Variants in FER observed in about 807,000 individuals in gnomAD.
FER encodes the protein FER tyrosine kinase, also known as tyrosine-protein kinase Fer.
A neutral mutation model predicts 111.0 loss-of-function variants in FER; 63 were observed. The ratio of observed to expected loss-of-function variants is 0.57; its 90% CI spans 0.46 to 0.70. FER has a LOEUF of 0.70. Ranked by LOEUF, FER falls within the 30% of genes least tolerant of loss-of-function variation. FER has a pLI of 0.00. For synonymous variants in FER, 327 were observed against 313.9 expected (o/e 1.04, Z -0.44); for missense variants, 914 against 954.0 (o/e 0.96, Z 0.55).
intron 3 of FER, among the ~76,000 whole-genome samples, chr5:108,826,634 C>T (rs1182631840): frequency 1.3e-5 from 2 of 152,168 alleles, no homozygotes; most frequent in Non-Finnish European, 2.9e-5. Flanking sequence ...GGAAGTGTTC[C>T]CTCCTTTTCA....
At chr5:109,005,668 G>A (rs116251093) in intron 13 of FER, among the ~76,000 whole-genome samples, 1,542 of 152,290 alleles carry the variant, frequency 0.01, 22 homozygotes, top group African/African-American at 0.035. Context: ...GGAACCTTTA[G>A]GTAACACTTG....
At chr5:108,823,448 T>A (rs1759112974) in intron 3 of FER, among the ~76,000 whole-genome samples, 1 of 152,236 alleles carries the variant, frequency 6.6e-6, no homozygotes, top group Non-Finnish European at 1.5e-5. Context: ...CACTTATCTT[T>A]TGTCTTTTTT....
chr5:108,932,558 A>G (rs990371603), intron 10 of FER, among the ~76,000 whole-genome samples: 1 of 152,166 alleles, frequency 6.6e-6, no homozygotes, highest in African/African-American at 2.4e-5. Context: ...TGCTGGGTCA[A>G]ATGGTATTTC....
chr5:108,813,474 A>G (rs542569844), intron 3 of FER, among the ~76,000 whole-genome samples: 18 of 152,182 alleles, frequency 1.2e-4, no homozygotes, highest in African/African-American at 2.4e-4. Context: ...ATTGTTTTTT[A>G]GTTCTCCCTC....
chr5:108,845,017 T>TATAC (rs1561502822), intron 5 of FER, among the ~76,000 whole-genome samples: 3 of 52,218 alleles, frequency 5.7e-5, no homozygotes, highest in Non-Finnish European at 7.5e-5. Flanking sequence ...TATATATATA[T>TATAC]ATATATATAT....
chr5:109,031,492 A>C (rs545359049), intron 13 of FER, among the ~76,000 whole-genome samples: 1 of 151,840 alleles, frequency 6.6e-6, no homozygotes, highest in Non-Finnish European at 1.5e-5. Flanking sequence ...TCACATTTTT[A>C]AAAAAAAATT....
rs373617030 is a variant in FER, at chr5:108,959,235, G to A, written c.1544G>A (p.Arg515Gln). Reference sequence around the variant, plus strand: ...TTGTTCTCTCTCCAGAACATGTATCGATTCGAGGGCACTGGGTTTTCAAAC... The same window carrying A: ...TTGTTCTCTCTCCAGAACATGTATCAATTCGAGGGCACTGGGTTTTCAAAC... ...FIIQYVDNMY[R>Q]FEGTGFSNIP... The change falls in exon 13 of 20, where the codon CGA becomes CAA. Residue 515 changes from arginine (R) to glutamine (Q), a missense_variant. Arg to Gln is a conservative substitution (Grantham distance 43). This residue lies in a region of FER where 774 missense variants were observed against 782.6 expected (regional missense o/e 0.99). Transcript: ENST00000281092. 9 of 1,611,112 alleles carry A rather than the reference G, an allele frequency of 5.6e-6. No homozygotes were observed. The highest frequency in any genetic ancestry group is 6.8e-6 in the Non-Finnish European group (8 of 1,178,270).
intron 5 of FER, among the ~76,000 whole-genome samples, chr5:108,855,465 C>A (rs1352500628): frequency 1.3e-5 from 2 of 151,426 alleles, no homozygotes; most frequent in Admixed American, 1.3e-4. Flanking sequence ...CTAAAAAATA[C>A]AAAAAATTAG....
At chr5:108,791,026 T>A (rs924833803) in intron 2 of FER, among the ~76,000 whole-genome samples, 8 of 152,224 alleles carry the variant, frequency 5.3e-5, no homozygotes, top group Non-Finnish European at 7.4e-5. Flanking sequence ...TGTTGTCCCA[T>A]TTTATTTATC....
In FER at chr5:109,052,561, G is replaced by C. The variant is rs1056655575; in HGVS notation, c.1924+5363G>C. The C allele has an allele frequency of 3.0e-5, 19 of 632,990 alleles. No individual in the cohort carries two copies. The African/African-American group carries it at 3.1e-4, about 10-fold the overall frequency. The allele number at this position is 632,990 out of a possible 1,614,324, so 39.2% of individuals were successfully genotyped here. On this transcript the variant is annotated intron_variant, in intron 16 of 19. Transcript: ENST00000281092. ...ATGAAAAGGCAAATTCAGGCACTCAGACCTGTCTATTTAAAGTTTAAAACT... is the reference window on the plus strand; with the variant it reads ...ATGAAAAGGCAAATTCAGGCACTCACACCTGTCTATTTAAAGTTTAAAACT...
At chr5:108,799,271 C>G (rs917955403) in intron 3 of FER, among the ~76,000 whole-genome samples, 1 of 152,184 alleles carries the variant, frequency 6.6e-6, no homozygotes, top group South Asian at 2.1e-4. Context: ...AAATATTAAA[C>G]TCTAATAGTT....
chr5:108,858,657 C>T (rs1763222097), intron 5 of FER, among the ~76,000 whole-genome samples: 1 of 151,840 alleles, frequency 6.6e-6, no homozygotes, highest in Non-Finnish European at 1.5e-5. Flanking sequence ...TTTTATTTTC[C>T]TTTCTTTCTT....
chr5:108,863,964 C>T (rs1040952271), intron 5 of FER, among the ~76,000 whole-genome samples: 4 of 152,104 alleles, frequency 2.6e-5, no homozygotes, highest in African/African-American at 9.7e-5. Flanking sequence ...TTGCTTCCCT[C>T]CTGCCACTCT....
intron 10 of FER, among the ~76,000 whole-genome samples, chr5:108,911,366 T>C (rs1371313652): frequency 6.6e-6 from 1 of 152,192 alleles, no homozygotes; most frequent in Non-Finnish European, 1.5e-5. Context: ...TTCTGGATAT[T>C]AGTACTTTGT....
chr5:109,061,284 A>G (rs1774382336), intron 16 of FER, among the ~76,000 whole-genome samples: 1 of 152,160 alleles, frequency 6.6e-6, no homozygotes, highest in Non-Finnish European at 1.5e-5. Flanking sequence ...TTCTCTTTAT[A>G]AAAGACATAA....
intron 17 of FER, among the ~76,000 whole-genome samples, chr5:109,104,908 A>C (rs567981446): frequency 1.2e-4 from 18 of 151,936 alleles, no homozygotes; most frequent in Admixed American, 5.2e-4. Context: ...ACGCCCGGCT[A>C]ATTTTTTTGT....
At chr5:109,036,587 AC>A (rs941784475) in intron 13 of FER, among the ~76,000 whole-genome samples, 2 of 151,958 alleles carry the variant, frequency 1.3e-5, no homozygotes, top group African/African-American at 4.8e-5. Flanking sequence ...AAATATATCA[AC>A]CAGGATACTC....
chr5:109,146,288 A>ATC (rs1192796325), intron 17 of FER, among the ~76,000 whole-genome samples: 1 of 115,436 alleles, frequency 8.7e-6, no homozygotes, highest in East Asian at 2.2e-4. Flanking sequence ...ATATATATAT[A>ATC]TATCTTGGGT....
intron 17 of FER, among the ~76,000 whole-genome samples, chr5:109,103,294 G>T (rs1018674892): frequency 6.6e-6 from 1 of 152,050 alleles, no homozygotes. Context: ...CTGACGGGAG[G>T]TCACTAGAAC....
Sources: gnomAD v4.1 joint callset for allele counts (sites outside exome capture counted in the v4.1 genomes callset) on GRCh38, gnomAD v4.1.1 for gene constraint, gnomAD v4.1.1 regional missense constraint, MANE v1.5 for transcripts, NCBI Gene and HGNC (gene_info 2026-07-23, HGNC 2026-07-21) for gene names.